Variants in MAGI2 observed in about 807,000 individuals in gnomAD.
MAGI2 encodes membrane-associated guanylate kinase, WW and PDZ domain-containing protein 2.
In MAGI2, 35 loss-of-function variants were observed where a neutral mutation model predicts 133.3. The ratio of observed to expected loss-of-function variants is 0.26; its 90% CI spans 0.20 to 0.35. MAGI2 has a LOEUF of 0.35. MAGI2 is among the 10% of genes least tolerant of loss of function. The pLI is 1.00. For missense variants in MAGI2, 1,636 were observed against 1,863.4 expected, an observed-to-expected ratio of 0.88 and a Z score of 2.25; for synonymous variants, 729 against 710.6, an observed-to-expected ratio of 1.03 and a Z score of -0.41.
At chr7:78,959,819 A>G (rs1802696568) in intron 2 of MAGI2, among the ~76,000 whole-genome samples, 1 of 152,140 alleles carries the variant, frequency 6.6e-6, no homozygotes, top group African/African-American at 2.4e-5. Flanking sequence ...ATCATGTATC[A>G]TGGGCACCGG....
At chr7:78,281,429 TC>T (rs887426047) in intron 9 of MAGI2, among the ~76,000 whole-genome samples, 1 of 151,796 alleles carries the variant, frequency 6.6e-6, no homozygotes, top group African/African-American at 2.4e-5. Context: ...AAGGGACTCT[TC>T]CCCGCTTCAC....
chr7:78,182,914 A>G (rs954141255), intron 13 of MAGI2, among the ~76,000 whole-genome samples: 2 of 152,154 alleles, frequency 1.3e-5, no homozygotes, highest in African/African-American at 4.8e-5. Flanking sequence ...TGGCATAATT[A>G]TCATTGGCCA....
chr7:78,965,735 A>G (rs1437164671), intron 2 of MAGI2, among the ~76,000 whole-genome samples: 2 of 152,098 alleles, frequency 1.3e-5, no homozygotes, highest in Admixed American at 1.3e-4. Flanking sequence ...CTACACATGT[A>G]GGATATTAGC....
intron 1 of MAGI2, among the ~76,000 whole-genome samples, chr7:79,379,805 T>C (rs1222361216): frequency 6.6e-6 from 1 of 151,394 alleles, no homozygotes; most frequent in East Asian, 2.0e-4. Context: ...CTCTTACAAG[T>C]TTTCTCATTA....
chr7:78,680,305 T>A (rs564435531), intron 2 of MAGI2, among the ~76,000 whole-genome samples: 1 of 152,176 alleles, frequency 6.6e-6, no homozygotes, highest in Non-Finnish European at 1.5e-5. Context: ...ATATAAAGCA[T>A]GTATTGAAAT....
chr7:78,463,512 C>G (rs1790290392), intron 6 of MAGI2, among the ~76,000 whole-genome samples: 1 of 152,130 alleles, frequency 6.6e-6, no homozygotes, highest in African/African-American at 2.4e-5. Context: ...GCACAGCAGC[C>G]TTTGTGGAGA....
chr7:79,314,900 C>G (rs908996955), intron 1 of MAGI2, among the ~76,000 whole-genome samples: 5 of 152,068 alleles, frequency 3.3e-5, no homozygotes, highest in African/African-American at 1.2e-4. Flanking sequence ...AAATGAAACT[C>G]AGATAAGGAA....
intron 1 of MAGI2, among the ~76,000 whole-genome samples, chr7:79,274,435 A>G (rs1024300119): frequency 2.6e-4 from 40 of 152,110 alleles, no homozygotes; most frequent in African/African-American, 7.5e-4. Flanking sequence ...TAGATCATGG[A>G]ACAACATCCG....
intron 3 of MAGI2, chr7:78,614,340 G>C (rs1304281537): frequency 6.7e-6 from 1 of 150,200 alleles, no homozygotes; most frequent in Non-Finnish European, 1.5e-5. Context: ...CTATCATGCT[G>C]AGGTTTCTAA....
chr7:78,128,791 C>G (rs914357179), intron 18 of MAGI2, among the ~76,000 whole-genome samples: 4 of 152,158 alleles, frequency 2.6e-5, no homozygotes, highest in African/African-American at 7.2e-5. Context: ...CCATTTATTA[C>G]TTAACCCTGC....
At chr7:78,224,496 T>C (rs1789157235) in intron 10 of MAGI2, among the ~76,000 whole-genome samples, 1 of 152,070 alleles carries the variant, frequency 6.6e-6, no homozygotes, top group Non-Finnish European at 1.5e-5. Context: ...GGAAACCCTG[T>C]CTCTGCTGAA....
intron 10 of MAGI2, among the ~76,000 whole-genome samples, chr7:78,238,392 G>T (rs777206636): frequency 7.2e-5 from 11 of 151,978 alleles, no homozygotes; most frequent in East Asian, 1.9e-4. Flanking sequence ...CTTTGTTCTG[G>T]TTTTTTAGGT....
intron 2 of MAGI2, among the ~76,000 whole-genome samples, chr7:78,633,997 TATC>T (rs1809350653): frequency 6.6e-6 from 1 of 152,194 alleles, no homozygotes; most frequent in Non-Finnish European, 1.5e-5. Flanking sequence ...ATTTCACAAA[TATC>T]ATTGGTGGTA....
At chr7:78,310,487 T>C (rs1458345302) in intron 9 of MAGI2, among the ~76,000 whole-genome samples, 2 of 152,194 alleles carry the variant, frequency 1.3e-5, no homozygotes, top group Non-Finnish European at 2.9e-5. Context: ...TTCTCGGTTA[T>C]TTAATAATTA....
chr7:78,320,055 C>G (rs1432253258), intron 9 of MAGI2, among the ~76,000 whole-genome samples: 1 of 152,174 alleles, frequency 6.6e-6, no homozygotes, highest in Admixed American at 6.5e-5. Flanking sequence ...GACACATGCA[C>G]TCTCCCGAGT....
intron 2 of MAGI2, among the ~76,000 whole-genome samples, chr7:78,851,968 C>T (rs1042537183): frequency 5.9e-5 from 9 of 152,102 alleles, no homozygotes; most frequent in Admixed American, 1.3e-4. Context: ...ATAAGAAAAT[C>T]TTACCCAAAT....
At chr7:78,660,227 A>T (rs995087707) in intron 2 of MAGI2, among the ~76,000 whole-genome samples, 1 of 152,134 alleles carries the variant, frequency 6.6e-6, no homozygotes, top group Non-Finnish European at 1.5e-5. Flanking sequence ...CATATGTAAC[A>T]AACCTGCACG....
intron 2 of MAGI2, among the ~76,000 whole-genome samples, chr7:78,806,834 A>G (rs1357945536): frequency 6.6e-6 from 1 of 150,492 alleles, no homozygotes; most frequent in Non-Finnish European, 1.5e-5. Flanking sequence ...TGCCACTGAA[A>G]TCCAGCCTGG....
At chr7:78,633,423 T>A (rs1809252112) in intron 2 of MAGI2, among the ~76,000 whole-genome samples, 1 of 151,906 alleles carries the variant, frequency 6.6e-6, no homozygotes, top group Non-Finnish European at 1.5e-5. Flanking sequence ...AGTGAGAGAA[T>A]GGCTGGGGGC....
Sources: allele counts gnomAD v4.1 joint callset (sites outside exome capture counted in the v4.1 genomes callset), GRCh38; gene constraint gnomAD v4.1.1; transcripts MANE v1.5; gene names NCBI Gene and HGNC (gene_info 2026-07-23, HGNC 2026-07-21).